SMPDL3B: variants seen among roughly 807,000 people sequenced by gnomAD.
SMPDL3B encodes the protein acid sphingomyelinase-like phosphodiesterase 3b.
A neutral mutation model predicts 37.9 loss-of-function variants in SMPDL3B; 31 were observed. The observed-to-expected ratio is 0.82, with a 90% CI of 0.61 to 1.10. The LOEUF is 1.10. Among genes scored for constraint, SMPDL3B ranks in the 50% least tolerant of loss-of-function variants. The pLI is 0.00. For missense variants in SMPDL3B, 525 were observed against 597.8 expected (o/e 0.88, Z 1.27); for synonymous variants, 235 against 242.6 (o/e 0.97, Z 0.29).
chr1:27,957,740 C>T (rs1426913312), intron 7 of SMPDL3B, among the ~76,000 whole-genome samples: 1 of 152,130 alleles, frequency 6.6e-6, no homozygotes, highest in Non-Finnish European at 1.5e-5. Context: ...CCTAACAGGC[C>T]CTCCATTCTC....
intron 1 of SMPDL3B, among the ~76,000 whole-genome samples, chr1:27,935,753 G>T (rs964840675): frequency 6.6e-6 from 1 of 152,186 alleles, no homozygotes; most frequent in Non-Finnish European, 1.5e-5. Flanking sequence ...TGGGGAGGGG[G>T]TACTTACAAG....
chr1:27,941,335 G>A (rs770194372), intron 1 of SMPDL3B: 7 of 152,216 alleles, frequency 4.6e-5, no homozygotes, highest in Non-Finnish European at 1.0e-4. Context: ...CAGACTGGCT[G>A]CCAGGATGAA....
Position 27,938,265 on chromosome 1 carries a change from C to A in SMPDL3B, c.61+3021C>A, listed in dbSNP as rs745625497. The stretch of plus-strand genomic sequence containing the variant: ...CACCTGCTCTGCATCACAAGCATCC[C>A]TCTGCTGGGTGCATTCTAATCCTCA... On this transcript the variant is annotated intron_variant, in intron 1 of 7. Coordinates refer to ENST00000373894, the MANE Select transcript of SMPDL3B (RefSeq NM_014474.4). 1.0e-3 allele frequency among the ~76,000 whole-genome samples: 154 copies of A among 152,344 alleles called. 4 individuals carry two copies. The highest frequency in any genetic ancestry group is 8.3e-4 in the South Asian group (4 of 4,832).
intron 1 of SMPDL3B, among the ~76,000 whole-genome samples, chr1:27,940,586 T>C (rs1394228835): frequency 6.6e-6 from 1 of 152,132 alleles, no homozygotes; most frequent in African/African-American, 2.4e-5. Flanking sequence ...GCAGTAGGAC[T>C]CCCTCCCAGG....
intron 2 of SMPDL3B, among the ~76,000 whole-genome samples, chr1:27,946,371 A>G (rs112871137): frequency 0.038 from 5,738 of 151,384 alleles, 373 homozygotes; most frequent in African/African-American, 0.13. Context: ...AAAAAGAAAG[A>G]AAAAGAAAAA....
chr1:27,955,626 G>A, intron 5 of SMPDL3B, 58 bp from the exon 6 acceptor site: 2 of 1,534,234 alleles, frequency 1.3e-6, no homozygotes, highest in Non-Finnish European at 1.8e-6. Context: ...TTGAGAAGTA[G>A]AAATGAGGGT....
At chr1:27,949,965 T>A (rs1041139462) in intron 3 of SMPDL3B, among the ~76,000 whole-genome samples, 3 of 152,214 alleles carry the variant, frequency 2.0e-5, no homozygotes, top group Non-Finnish European at 2.9e-5. Context: ...AGGGTCAGGC[T>A]GGCTCTAAGA....
Position 27,950,339 on chromosome 1 carries a change from C to T in SMPDL3B, c.373+1177C>T, listed in dbSNP as rs140171281. ...TGTATAGAAAAGGAACCTGTGGCTCCGAGCTAGTCGGTTCCGAGGGAGGGA... is the reference window on the plus strand; with the variant it reads ...TGTATAGAAAAGGAACCTGTGGCTCTGAGCTAGTCGGTTCCGAGGGAGGGA... On this transcript the variant is annotated intron_variant, in intron 3 of 7. Coordinates refer to ENST00000373894, the MANE Select transcript of SMPDL3B (RefSeq NM_014474.4). Among the ~76,000 whole-genome samples, 4 of 152,292 alleles carry T rather than the reference C, an allele frequency of 2.6e-5. No individual in the cohort carries two copies. The East Asian group carries it at 5.8e-4, about 22-fold the overall frequency.
chr1:27,942,559 A>C (rs1402962300), intron 1 of SMPDL3B, among the ~76,000 whole-genome samples: 1 of 152,084 alleles, frequency 6.6e-6, no homozygotes, highest in African/African-American at 2.4e-5. Flanking sequence ...GCTCACTGCA[A>C]CCTCCGCCTC....
chr1:27,958,733 C>G lies in SMPDL3B; in HGVS notation c.1263C>G (p.Asp421Glu). 6.2e-7 allele frequency: 1 copy of G among 1,613,770 alleles called. No homozygotes were observed. The highest frequency in any genetic ancestry group is 1.1e-5 in the South Asian group (1 of 91,090). ...MQHVCAMRQV[D>E]IDAYTTCLYA... ...ACGTGTGTGCCATGCGCCAGGTGGACATTGACGCTTACACCACCTGTCTGT... is the reference window on the plus strand; with the variant it reads ...ACGTGTGTGCCATGCGCCAGGTGGAGATTGACGCTTACACCACCTGTCTGT... Residue 421 changes from aspartate (D) to glutamate (E), a missense_variant, in exon 8 of 8, where the codon GAC (aspartate) becomes GAG (glutamate). Physicochemically the swap from Asp to Glu is conservative, Grantham distance 45. Transcript: ENST00000373894. This position sits in a 1 kb window ranked among gnomAD's most constrained non-coding sequence, Gnocchi z 5.6.
intron 1 of SMPDL3B, among the ~76,000 whole-genome samples, chr1:27,939,647 A>T (rs963064082): frequency 2.0e-5 from 3 of 151,902 alleles, no homozygotes; most frequent in African/African-American, 7.3e-5. Context: ...GGCAAACCCC[A>T]CCTCTACAAA....
chr1:27,945,157 G>C lies in SMPDL3B; in HGVS notation c.62-75G>C. 1 of 1,465,424 alleles carries C rather than the reference G, an allele frequency of 6.8e-7. No homozygotes were observed. Among genetic ancestry groups the C allele is most frequent in the Non-Finnish European group, 9.5e-7 (1 of 1,051,176 alleles). 90.8% of individuals were successfully genotyped at this position (1,465,424 alleles called of 1,614,324 possible). On this transcript the variant is annotated intron_variant, in intron 1 of 7. Transcript: ENST00000373894. The surrounding 1 kb of genome is among the most constrained non-coding windows in gnomAD (Gnocchi z 4.0). ...TGTGTAACGCCCCTGCCCCAGCCCA[G>C]GGCTCCCCTGGACTTCCTTGCTTCC...
rs759270256 is a variant in SMPDL3B at position 27,958,641 on chromosome 1, C to CGCTA, written c.1172_1175dup (p.Tyr392Ter). 1.9e-6 allele frequency: 3 copies of CGCTA among 1,613,872 alleles called. No individual in the cohort carries two copies. In the Admixed American group the frequency reaches 5.0e-5, roughly 27 times the overall value. Reference sequence around the variant, plus strand: ...CGCTGGCGACCAGAGCACACTGCAGCGCTACTACGTCTATAACTCAGTCAG... The same window carrying CGCTA: ...CGCTGGCGACCAGAGCACACTGCAGCGCTAGCTACTACGTCTATAACTCAGTCAG... On this transcript the variant is annotated stop_gained and frameshift_variant, in exon 8 of 8. Transcript: ENST00000373894. LOFTEE classifies it low-confidence loss of function (END_TRUNC). The surrounding 1 kb of genome is among the most constrained non-coding windows in gnomAD (Gnocchi z 5.6).
In SMPDL3B at chr1:27,958,588, A is replaced by T. The variant is rs565365874; in HGVS notation, c.1118A>T (p.His373Leu). 6 of 1,613,728 alleles carry T rather than the reference A, an allele frequency of 3.7e-6. No homozygotes were observed. In the African/African-American group the frequency reaches 6.7e-5, roughly 18 times the overall value. ...TATGGGGTGCCGGACGCCAGCGCCC[A>T]CTCCATGCACACAGTGCTGGACCGC... ...EAYGVPDASA[H>L]SMHTVLDRIA... is the part of the protein sequence containing the mutation. Residue 373 changes from histidine (H) to leucine (L), a missense_variant, in exon 8 of 8, where the codon CAC becomes CTC. Physicochemically the swap from His to Leu is moderately conservative, Grantham distance 99. Coordinates refer to ENST00000373894, the MANE Select transcript of SMPDL3B (RefSeq NM_014474.4). This position sits in a 1 kb window ranked among gnomAD's most constrained non-coding sequence, Gnocchi z 5.6.
chr1:27,942,231 G>A (rs570225029), intron 1 of SMPDL3B: 1 of 460,096 alleles, frequency 2.2e-6, no homozygotes, highest in Non-Finnish European at 4.5e-6. Context: ...AACTGAGAAA[G>A]AGCCAGCTTG....
intron 2 of SMPDL3B, among the ~76,000 whole-genome samples, chr1:27,947,452 T>C (rs1335000261): frequency 1.3e-5 from 2 of 151,540 alleles, no homozygotes; most frequent in East Asian, 4.0e-4. Flanking sequence ...ATTTGACTTC[T>C]AAGAGAGCTG....
chr1:27,935,017 G>A lies in SMPDL3B; in HGVS notation c.-167G>A, dbSNP rs2090293747. The A allele has an allele frequency of 6.7e-6, 4 of 595,948 alleles. No homozygotes were observed. Among genetic ancestry groups the A allele is most frequent in the Non-Finnish European group, 1.2e-5 (4 of 332,200 alleles). The allele number at this position is 595,948 out of a possible 1,614,324, so 36.9% of individuals were successfully genotyped here. On this transcript the variant is annotated 5_prime_UTR_variant, in exon 1 of 8. Transcript: ENST00000373894. ...CCCAGATCATACCCTGCTGGGCAAAGGAGGAAGAGCCAGAGGATCCAGACG... is the reference window on the plus strand; with the variant it reads ...CCCAGATCATACCCTGCTGGGCAAAAGAGGAAGAGCCAGAGGATCCAGACG...
chr1:27,948,904 C>T (rs1260897926), intron 2 of SMPDL3B, 161 bp from the exon 3 acceptor site: 1 of 1,378,486 alleles, frequency 7.3e-7, no homozygotes, highest in Non-Finnish European at 1.0e-6. Context: ...TAGTTCTCAG[C>T]TCTGTCCCAT....
At chr1:27,948,837 G>A (rs2090431561) in intron 2 of SMPDL3B, among the ~76,000 whole-genome samples, 1 of 152,210 alleles carries the variant, frequency 6.6e-6, no homozygotes, top group Non-Finnish European at 1.5e-5. Flanking sequence ...AGTTAATAGA[G>A]GCTCAGAGAG....
Sources: allele counts gnomAD v4.1 joint callset (sites outside exome capture counted in the v4.1 genomes callset), GRCh38; gene constraint gnomAD v4.1.1; non-coding constraint Gnocchi (gnomAD v3.1); transcripts MANE v1.5; gene names NCBI Gene and HGNC (gene_info 2026-07-23, HGNC 2026-07-21).